TRPM3: variants seen among roughly 807,000 people sequenced by gnomAD.
TRPM3 encodes the protein transient receptor potential cation channel subfamily M member 3.
TRPM3 carries 77 observed loss-of-function variants against 181.2 expected under a neutral mutation model. That is an observed-to-expected ratio of 0.42 (90% confidence interval 0.35 to 0.51). TRPM3 has a LOEUF of 0.51. Ranked by LOEUF, TRPM3 falls within the 20% of genes least tolerant of loss-of-function variation. The probability of loss-of-function intolerance (pLI) is 0.01; values close to 1 mark genes in which losing one functional copy is unlikely to be tolerated. For synonymous variants in TRPM3, 745 were observed against 796.4 expected, an observed-to-expected ratio of 0.94 and a Z score of 1.09; for missense variants, 1,759 against 2,196.7, an observed-to-expected ratio of 0.80 and a Z score of 3.98.
intron 1 of TRPM3, among the ~76,000 whole-genome samples, chr9:70,989,813 A>G (rs1252646603): frequency 6.6e-6 from 1 of 152,242 alleles, no homozygotes; most frequent in Non-Finnish European, 1.5e-5. Flanking sequence ...TAATAGAAGC[A>G]TGATGATCTC....
chr9:70,760,536 G>A (rs1440195207), intron 8 of TRPM3, among the ~76,000 whole-genome samples: 3 of 151,404 alleles, frequency 2.0e-5, no homozygotes, highest in Non-Finnish European at 4.4e-5. Context: ...GCCAGACTGT[G>A]TACCTAGGTA....
intron 1 of TRPM3, among the ~76,000 whole-genome samples, chr9:71,042,479 T>A (rs1448282948): frequency 1.3e-5 from 2 of 152,226 alleles, no homozygotes; most frequent in Non-Finnish European, 2.9e-5. Context: ...CCTTCCTATG[T>A]TAAGCACATA....
intron 1 of TRPM3, among the ~76,000 whole-genome samples, chr9:70,996,857 T>C (rs371491528): frequency 1.2e-3 from 189 of 152,318 alleles, no homozygotes; most frequent in African/African-American, 3.6e-3. Context: ...TATGAACAGG[T>C]AGATGTGGGG....
intron 22 of TRPM3, among the ~76,000 whole-genome samples, chr9:70,570,725 C>T (rs922779898): frequency 1.4e-4 from 21 of 152,124 alleles, no homozygotes; most frequent in Non-Finnish European, 1.9e-4. Flanking sequence ...TATTATGACA[C>T]GACCTGTCAA....
chr9:71,292,216 G>T (rs1458802156), intron 1 of TRPM3, among the ~76,000 whole-genome samples: 1 of 152,040 alleles, frequency 6.6e-6, no homozygotes, highest in Non-Finnish European at 1.5e-5. Flanking sequence ...AAGAAAGGTA[G>T]ATAATGCATA....
chr9:71,268,664 A>T lies in TRPM3; in HGVS notation c.183+177989T>A, dbSNP rs571981040. Among the ~76,000 whole-genome samples the T allele has an allele frequency of 2.6e-5, 4 of 152,044 alleles. No individual in the cohort carries two copies. The East Asian group carries it at 7.8e-4, about 30-fold the overall frequency. On this transcript the variant is annotated intron_variant, in intron 1 of 24. Transcript: ENST00000357533. ...ACATGGTGAAACCGTTTCTAGAAAA[A>T]TACAAAAATTAGCCAGGCATGATGG...
rs2062635021 is a variant in TRPM3 at position 70,615,403 on chromosome 9, A to G, written c.2526+505T>C. 2.6e-5 allele frequency among the ~76,000 whole-genome samples: 4 copies of G among 152,230 alleles called. No homozygotes were observed. In the South Asian group the frequency reaches 8.3e-4, roughly 32 times the overall value. On this transcript the variant is annotated intron_variant, in intron 18 of 25. Coordinates refer to ENST00000677713, the MANE Select transcript of TRPM3 (RefSeq NM_001366145.2). ...CTGCAGAACAAAGCCTCTATGCTCT[A>G]TAATTATATGAGGAAGAGCTAATAA... is the stretch of plus-strand genomic sequence containing the variant.
At chr9:71,065,059 T>C (rs1017075967) in intron 1 of TRPM3, among the ~76,000 whole-genome samples, 1 of 152,194 alleles carries the variant, frequency 6.6e-6, no homozygotes, top group African/African-American at 2.4e-5. Context: ...ACACACTTTA[T>C]TGTAGCTATG....
At chr9:70,551,474 C>T (rs1461742440) in intron 24 of TRPM3, among the ~76,000 whole-genome samples, 1 of 152,238 alleles carries the variant, frequency 6.6e-6, no homozygotes, top group Non-Finnish European at 1.5e-5. Context: ...ATGGAGCTGG[C>T]TCCCATCTAG....
chr9:70,532,822 A>C lies in TRPM3; in HGVS notation c.*3131T>G, dbSNP rs576652932. ...AACTGCTTAATTCACAAAGACAGGT[A>C]ATTAACGTCCCCTCGATCAGGGATG... On this transcript the variant is annotated 3_prime_UTR_variant, in exon 26 of 26. Transcript: ENST00000677713. 6.6e-6 allele frequency: 1 copy of C among 152,196 alleles called. No individual in the cohort carries two copies. Among genetic ancestry groups the C allele is most frequent in the Non-Finnish European group, 1.5e-5 (1 of 68,038 alleles). 9.4% of individuals were successfully genotyped at this position (152,196 alleles called of 1,614,324 possible). A position where few individuals can be genotyped will look rare whatever the true frequency, so the allele number is the denominator to read the frequency against.
chr9:70,797,535 G>GCTCT (rs1328789688), intron 6 of TRPM3, among the ~76,000 whole-genome samples: 1 of 152,094 alleles, frequency 6.6e-6, no homozygotes, highest in Non-Finnish European at 1.5e-5. Context: ...CTCTTCCAGA[G>GCTCT]CTCTCTCTCT....
chr9:70,642,819 G>T (rs1206545831), intron 9 of TRPM3, among the ~76,000 whole-genome samples: 1 of 152,202 alleles, frequency 6.6e-6, no homozygotes, highest in African/African-American at 2.4e-5. Context: ...TTAAGACACA[G>T]GTTCTTGGGT....
At chr9:70,862,322 A>G (rs568633904) in intron 3 of TRPM3, among the ~76,000 whole-genome samples, 1 of 152,256 alleles carries the variant, frequency 6.6e-6, no homozygotes, top group South Asian at 2.1e-4. Flanking sequence ...CATATTTCCT[A>G]AAGTCTCCCC....
At chr9:70,960,321 T>C (rs184392538) in intron 1 of TRPM3, among the ~76,000 whole-genome samples, 1 of 152,262 alleles carries the variant, frequency 6.6e-6, no homozygotes, top group East Asian at 1.9e-4. Flanking sequence ...AGCTTGCTTG[T>C]TATGAAGTCC....
At chr9:71,243,920 GTTTGAT>G (rs139946737) in intron 1 of TRPM3, among the ~76,000 whole-genome samples, 64,738 of 151,556 alleles carry the variant, frequency 0.43, 14,133 homozygotes, top group East Asian at 0.52. Flanking sequence ...ATAAGATCAT[GTTTGAT>G]TTTAAGTTCT....
intron 21 of TRPM3, among the ~76,000 whole-genome samples, chr9:70,592,484 T>C (rs141625163): frequency 2.1e-3 from 318 of 152,340 alleles, no homozygotes; most frequent in Non-Finnish European, 3.8e-3. Context: ...TTGACAGTGA[T>C]TGGGTCCCTG....
intron 9 of TRPM3, among the ~76,000 whole-genome samples, chr9:70,662,115 G>A (rs1045991127): frequency 2.6e-5 from 4 of 151,996 alleles, no homozygotes; most frequent in African/African-American, 9.7e-5. Flanking sequence ...TAGAAATAAA[G>A]CCAAATACTT....
At chr9:70,812,791 TG>T (rs2092258247) in intron 6 of TRPM3, among the ~76,000 whole-genome samples, 1 of 151,654 alleles carries the variant, frequency 6.6e-6, no homozygotes. Flanking sequence ...CAAACTCTAA[TG>T]AAAAAAAATT....
chr9:71,220,558 A>G (rs1285151973), intron 1 of TRPM3, among the ~76,000 whole-genome samples: 1 of 152,046 alleles, frequency 6.6e-6, no homozygotes, highest in African/African-American at 2.4e-5. Flanking sequence ...CAGGACCTTC[A>G]TGGGAAGCAG....
Sources: gnomAD v4.1 joint callset for allele counts (sites outside exome capture counted in the v4.1 genomes callset) on GRCh38, gnomAD v4.1.1 for gene constraint, MANE v1.5 for transcripts, NCBI Gene and HGNC (gene_info 2026-07-23, HGNC 2026-07-21) for gene names.